The following RHOH variants were observed in gnomAD, a reference collection of about 807,000 sequenced individuals.
RHOH encodes the protein ras homolog family member H.
In RHOH, 6 loss-of-function variants were observed where a neutral mutation model predicts 13.8. The observed-to-expected ratio is 0.44, with a 90% confidence interval of 0.24 to 0.86. The LOEUF (loss-of-function observed/expected upper bound fraction) is 0.86. RHOH is among the 40% of genes least tolerant of loss of function. The pLI, the probability that RHOH is intolerant of heterozygous loss-of-function variation, is 0.24. For missense variants in RHOH, 147 were observed against 244.5 expected, an observed-to-expected ratio of 0.60 and a Z score of 2.66; for synonymous variants, 117 against 103.0, an observed-to-expected ratio of 1.14 and a Z score of -0.82.
intron 1 of RHOH, among the ~76,000 whole-genome samples, chr4:40,199,237 A>C (rs11941735): frequency 0.011 from 1,627 of 152,292 alleles, 33 homozygotes; most frequent in African/African-American, 0.037. Flanking sequence ...CTGAAAAAAA[A>C]ATCTCTCAAT....
chr4:40,217,297 A>G (rs1261434207), intron 1 of RHOH, among the ~76,000 whole-genome samples: 1 of 152,124 alleles, frequency 6.6e-6, no homozygotes, highest in African/African-American at 2.4e-5. Flanking sequence ...ACACTAGCAA[A>G]TGTTACCTCT....
At chr4:40,233,527 A>G (rs4398534) in intron 1 of RHOH, among the ~76,000 whole-genome samples, 95,960 of 152,030 alleles carry the variant, frequency 0.63, 31,278 homozygotes, top group Non-Finnish European at 0.7. Context: ...CCAGGTCTAC[A>G]TGCCCCTTCT....
chr4:40,208,589 AT>A (rs971079674), intron 1 of RHOH, among the ~76,000 whole-genome samples: 18 of 152,234 alleles, frequency 1.2e-4, no homozygotes, highest in Non-Finnish European at 2.4e-4. Context: ...ATTATTTTGA[AT>A]TTTTTTAGGA....
At chr4:40,238,725 C>T (rs967932573) in intron 1 of RHOH, among the ~76,000 whole-genome samples, 1 of 152,202 alleles carries the variant, frequency 6.6e-6, no homozygotes, top group African/African-American at 2.4e-5. Context: ...CTGAGAAGAA[C>T]GGCCTGGAGG....
chr4:40,197,636 A>G (rs2109342132), intron 1 of RHOH, among the ~76,000 whole-genome samples: 1 of 152,366 alleles, frequency 6.6e-6, no homozygotes, highest in South Asian at 2.1e-4. Flanking sequence ...TTGATGAAGT[A>G]AATCTAAAGA....
rs1406854190 is a variant in RHOH at position 40,246,296 on chromosome 4, A to C, written c.*2334A>C. The C allele has an allele frequency of 6.6e-6, 1 of 152,256 alleles. No homozygotes were observed. The highest frequency in any genetic ancestry group is 1.5e-5 in the Non-Finnish European group (1 of 68,070). The allele number at this position is 152,256 out of a possible 1,614,324, so 9.4% of individuals were successfully genotyped here. ...GAAGAGAGATGGGGGTGGGTATCTG[A>C]AAGTGGGAAGGGCCACCATACATGA... On this transcript the variant is annotated 3_prime_UTR_variant, in exon 3 of 3. Coordinates refer to ENST00000381799, the MANE Select transcript of RHOH (RefSeq NM_004310.5).
upstream of RHOH, among the ~76,000 whole-genome samples, chr4:40,191,748 G>T (rs1722719283): frequency 6.6e-6 from 1 of 152,154 alleles, no homozygotes; most frequent in Non-Finnish European, 1.5e-5. Context: ...GAATAAACAT[G>T]GCAGCTGAGA....
At chr4:40,232,754 C>G (rs1458265303) in intron 1 of RHOH, among the ~76,000 whole-genome samples, 5 of 152,136 alleles carry the variant, frequency 3.3e-5, no homozygotes, top group African/African-American at 1.2e-4. Flanking sequence ...CACAGTGCAA[C>G]CTCCCTGAAC....
intron 1 of RHOH, among the ~76,000 whole-genome samples, chr4:40,226,318 G>C (rs548383104): frequency 6.2e-4 from 95 of 152,056 alleles, no homozygotes; most frequent in Middle Eastern, 3.4e-3. Context: ...CCTGAGGTCG[G>C]GAGTTCAAGA....
intron 1 of RHOH, among the ~76,000 whole-genome samples, chr4:40,231,035 G>A (rs561879918): frequency 1.2e-4 from 19 of 152,208 alleles, no homozygotes; most frequent in Admixed American, 3.3e-4. Context: ...CATGCGTATC[G>A]TGGACACATT....
chr4:40,226,127 T>C (rs1354804183), intron 1 of RHOH, among the ~76,000 whole-genome samples: 4 of 152,104 alleles, frequency 2.6e-5, no homozygotes, highest in Admixed American at 2.0e-4. Context: ...TTCAGTTGCC[T>C]TAAAAAAAAA....
At chr4:40,216,153 T>TTTA (rs1473404730) in intron 1 of RHOH, among the ~76,000 whole-genome samples, 5 of 151,308 alleles carry the variant, frequency 3.3e-5, no homozygotes, top group African/African-American at 7.3e-5. Context: ...TTTTTTTTTT[T>TTTA]AGCTCTTTGA....
intron 1 of RHOH, chr4:40,235,110 A>G (rs889708490): frequency 6.6e-6 from 1 of 152,232 alleles, no homozygotes; most frequent in African/African-American, 2.4e-5. Flanking sequence ...TTAAGATAAA[A>G]TGCCACTTGA....
At chr4:40,222,625 G>A (rs568245342) in intron 1 of RHOH, among the ~76,000 whole-genome samples, 10 of 152,276 alleles carry the variant, frequency 6.6e-5, no homozygotes, top group South Asian at 2.1e-4. Flanking sequence ...CATGGACAAC[G>A]CACCTAGTCA....
chr4:40,243,501 G>C lies in RHOH; in HGVS notation c.115G>C (p.Glu39Gln). The part of the protein sequence containing the change: ...FPEAYKPTVY[E>Q]NTGVDVFMDG... ...GGAGGCCTACAAGCCCACAGTGTAC[G>C]AGAACACAGGGGTGGACGTCTTCAT... is the stretch of plus-strand genomic sequence containing the variant. Residue 39 changes from glutamate (E) to glutamine (Q), a missense_variant, in exon 3 of 3, where the codon GAG (glutamate) becomes CAG (glutamine). Around this residue, in one of 3 missense-constraint regions of RHOH, gnomAD observed 80 missense variants for 152.0 expected, o/e 0.53. Transcript: ENST00000381799. The surrounding 1 kb of genome is among the most constrained non-coding windows in gnomAD (Gnocchi z 6.2). 1 of 1,613,936 alleles carries C rather than the reference G, an allele frequency of 6.2e-7. No individual in the cohort carries two copies. The highest frequency in any genetic ancestry group is 1.3e-5 in the African/African-American group (1 of 74,928).
chr4:40,222,279 C>T (rs902563253), intron 1 of RHOH, among the ~76,000 whole-genome samples: 2 of 152,158 alleles, frequency 1.3e-5, no homozygotes, highest in Non-Finnish European at 2.9e-5. Flanking sequence ...TCAATGGAAA[C>T]AAAATGGCCT....
chr4:40,241,788 G>T (rs1391739258), intron 1 of RHOH, among the ~76,000 whole-genome samples: 1 of 152,194 alleles, frequency 6.6e-6, no homozygotes, highest in African/African-American at 2.4e-5. Flanking sequence ...TACTCGGGAG[G>T]CTGAGGTGGG....
chr4:40,199,899 T>TA (rs1189060789), intron 1 of RHOH, among the ~76,000 whole-genome samples: 1 of 152,154 alleles, frequency 6.6e-6, no homozygotes, highest in African/African-American at 2.4e-5. Context: ...AAGCCTCCTT[T>TA]AAAAAAATGC....
chr4:40,195,409 CCTTCCT>C (rs1723038504), upstream of RHOH, among the ~76,000 whole-genome samples: 1 of 139,812 alleles, frequency 7.2e-6, no homozygotes, highest in Non-Finnish European at 1.6e-5. Flanking sequence ...TTCCTTCCTT[CCTTCCT>C]TCCCTCCCCT....
Sources: gnomAD v4.1 joint callset for allele counts (sites outside exome capture counted in the v4.1 genomes callset) on GRCh38, gnomAD v4.1.1 for gene constraint, gnomAD v4.1.1 regional missense constraint, Gnocchi (gnomAD v3.1) non-coding constraint, MANE v1.5 for transcripts, NCBI Gene and HGNC (gene_info 2026-07-23, HGNC 2026-07-21) for gene names.